Variants in EPHB4 observed in about 807,000 individuals in gnomAD.
EPHB4 encodes ephrin type-B receptor 4.
EPHB4 carries 50 observed loss-of-function variants against 110.6 expected under a neutral mutation model. That is an observed-to-expected ratio of 0.45 (90% CI 0.36 to 0.57). The LOEUF is 0.57. Among genes scored for constraint, EPHB4 ranks in the 20% least tolerant of loss-of-function variants. EPHB4 has a pLI of 0.00. For synonymous variants in EPHB4, 592 were observed against 578.4 expected, an observed-to-expected ratio of 1.02 and a Z score of -0.34; for missense variants, 1,128 against 1,382.1, an observed-to-expected ratio of 0.82 and a Z score of 2.91.
In EPHB4 at chr7:100,826,960, C is replaced by G. The variant is rs747046991; in HGVS notation, c.52+19G>C. The G allele has an allele frequency of 4.6e-6, 7 of 1,533,816 alleles. No homozygotes were observed. In the Admixed American group the frequency reaches 5.8e-5, roughly 13 times the overall value. On this transcript the variant is annotated intron_variant, in intron 1 of 16. Coordinates refer to ENST00000358173, the MANE Select transcript of EPHB4 (RefSeq NM_004444.5). ...TCCCAGGAGTGACGGGGTGCGCCCC[C>G]CCCCGCAAGGAAACTCACCTTCCAA...
At chr7:100,823,057 G>A (rs994223884) in intron 3 of EPHB4, among the ~76,000 whole-genome samples, 31 of 152,140 alleles carry the variant, frequency 2.0e-4, no homozygotes, top group African/African-American at 7.5e-4. Flanking sequence ...AGGCCGAGGT[G>A]GGAGAAATCT....
chr7:100,827,015 G>C lies in EPHB4; in HGVS notation c.16C>G (p.Leu6Val), dbSNP rs747556916. 1.3e-6 allele frequency: 2 copies of C among 1,584,110 alleles called. No homozygotes were observed. The highest frequency in any genetic ancestry group is 1.2e-5 in the South Asian group (1 of 86,686). Residue 6 changes from leucine to valine, a missense_variant, in exon 1 of 17, where the codon CTG becomes GTG. This residue lies in a region of EPHB4 where 728 missense variants were observed against 828.6 expected (regional missense o/e 0.88). Coordinates refer to ENST00000358173, the MANE Select transcript of EPHB4 (RefSeq NM_004444.5). MELRV[L>V]LCWASLAAAL... ...GCGGCCAACGAAGCCCAGCAGAGCA[G>C]CACCCGGAGCTCCATGGCGCCGCCT... is the stretch of plus-strand genomic sequence containing the variant.
chr7:100,817,110 T>C (rs1584661137), intron 8 of EPHB4, 82 bp downstream of exon 8: 3 of 1,197,144 alleles, frequency 2.5e-6, no homozygotes, highest in Admixed American at 7.7e-5. Context: ...AAAAAGATGA[T>C]GGGACTTTGG....
intron 8 of EPHB4, 108 bp downstream of exon 8, chr7:100,817,084 A>T: frequency 3.4e-6 from 1 of 295,040 alleles, no homozygotes; most frequent in Non-Finnish European, 4.4e-6. Flanking sequence ...CTCCATCTCA[A>T]AAAAAAAAAA....
intron 12 of EPHB4, among the ~76,000 whole-genome samples, chr7:100,810,652 AG>A (rs1276895366): frequency 6.6e-6 from 1 of 152,148 alleles, no homozygotes; most frequent in African/African-American, 2.4e-5. Flanking sequence ...CTGAGGCAGG[AG>A]GATCACCTGA....
intron 4 of EPHB4, among the ~76,000 whole-genome samples, chr7:100,821,589 C>G (rs980926668): frequency 6.6e-6 from 1 of 150,490 alleles, no homozygotes; most frequent in Non-Finnish European, 1.5e-5. Flanking sequence ...GATCGCACCA[C>G]TGCACTCCAG....
At chr7:100,825,147 GAACAC>G (rs1813343900) in intron 1 of EPHB4, 2 of 152,152 alleles carry the variant, frequency 1.3e-5, no homozygotes, top group African/African-American at 4.8e-5. Flanking sequence ...AGGGGAGCCA[GAACAC>G]CTGGCTCCCA....
In EPHB4 at chr7:100,813,260, C is replaced by T. The variant is rs759947298; in HGVS notation, c.1757-52G>A. The T allele has an allele frequency of 1.9e-5, 26 of 1,382,656 alleles. No individual in the cohort carries two copies. In the African/African-American group the frequency reaches 2.6e-4, roughly 14 times the overall value. 85.6% of individuals were successfully genotyped at this position (1,382,656 alleles called of 1,614,324 possible). A position where few individuals can be genotyped will look rare whatever the true frequency, so the allele number is the denominator to read the frequency against. ...GCTGGGAATTAACTCCCACTGGACT[C>T]GGAGGCTCGGCTCATAGCTTTTAGC... On this transcript the variant is annotated intron_variant, in intron 10 of 16. Coordinates refer to ENST00000358173, the MANE Select transcript of EPHB4 (RefSeq NM_004444.5).
intron 12 of EPHB4, among the ~76,000 whole-genome samples, chr7:100,809,943 G>C (rs1196552420): frequency 6.6e-6 from 1 of 152,134 alleles, no homozygotes; most frequent in African/African-American, 2.4e-5. Context: ...GCGAAGCCCT[G>C]TCTCTACTAA....
intron 8 of EPHB4, among the ~76,000 whole-genome samples, chr7:100,815,349 C>A (rs990798002): frequency 6.6e-6 from 1 of 151,846 alleles, no homozygotes; most frequent in Admixed American, 6.6e-5. Flanking sequence ...CAAACCACAA[C>A]CAAAAAAACC....
chr7:100,827,089 G>A lies in EPHB4; in HGVS notation c.-59C>T. ...GTTTGGGGGGCCCTCGCCCCCCCAG[G>A]TCTGACTCTCCCTGGGCGGGTGGAC... On this transcript the variant is annotated 5_prime_UTR_variant, in exon 1 of 17. Transcript: ENST00000358173. 1 of 1,530,072 alleles carries A rather than the reference G, an allele frequency of 6.5e-7. No homozygotes were observed. Among genetic ancestry groups the A allele is most frequent in the South Asian group, 1.2e-5 (1 of 83,346 alleles). 94.8% of individuals were successfully genotyped at this position (1,530,072 alleles called of 1,614,324 possible).
At chr7:100,804,920 C>T (rs2553021) in intron 16 of EPHB4, among the ~76,000 whole-genome samples, 21,713 of 152,184 alleles carry the variant, frequency 0.14, 1,996 homozygotes, top group Middle Eastern at 0.26. Context: ...GGCGGAAGCG[C>T]GATGGCCCAG....
intron 3 of EPHB4, among the ~76,000 whole-genome samples, chr7:100,823,256 C>G (rs314308): frequency 0.09 from 13,723 of 152,062 alleles, 686 homozygotes; most frequent in African/African-American, 0.13. Context: ...GCTGGAACTC[C>G]GAAGACAAGT....
chr7:100,817,175 C>G lies in EPHB4; in HGVS notation c.1588+17G>C, dbSNP rs376201778. 2 of 1,513,910 alleles carry G rather than the reference C, an allele frequency of 1.3e-6. No individual in the cohort carries two copies. Among genetic ancestry groups the G allele is most frequent in the African/African-American group, 2.9e-5 (2 of 69,634 alleles). The allele number at this position is 1,513,910 out of a possible 1,614,324, so 93.8% of individuals were successfully genotyped here. The stretch of plus-strand genomic sequence containing the variant: ...GGTCTTTCCAACCCCCACCCTCACC[C>G]CCTTCCCCAGGCTCACCATCCAGTT... On this transcript the variant is annotated intron_variant, in intron 8 of 16. Coordinates refer to ENST00000358173, the MANE Select transcript of EPHB4 (RefSeq NM_004444.5).
At chr7:100,816,406 T>C (rs955608388) in intron 8 of EPHB4, among the ~76,000 whole-genome samples, 1 of 151,184 alleles carries the variant, frequency 6.6e-6, no homozygotes, top group African/African-American at 2.4e-5. Flanking sequence ...CAATCTCAGC[T>C]CACTGCAACC....
At chr7:100,815,855 G>A (rs1370715073) in intron 8 of EPHB4, among the ~76,000 whole-genome samples, 6 of 152,134 alleles carry the variant, frequency 3.9e-5, no homozygotes, top group Admixed American at 1.3e-4. Flanking sequence ...GAGCACGGTA[G>A]CACATGCCTA....
At position 100,803,430 on chromosome 7, in the gene EPHB4, C is replaced by T. The variant is rs199872533; in HGVS notation, c.*31G>A. 234 of 1,504,928 alleles carry T rather than the reference C, an allele frequency of 1.6e-4. 1 individual carries two copies. In the Admixed American group the frequency reaches 1.9e-3, roughly 12 times the overall value. The allele number at this position is 1,504,928 out of a possible 1,614,324, so 93.2% of individuals were successfully genotyped here. A position where few individuals can be genotyped will look rare whatever the true frequency, so the allele number is the denominator to read the frequency against. Reference sequence around the variant, plus strand: ...CACTCTGCCCCGGAAAATGGGGAGGCGGTGTCCCTGGGGTGGGGAGTTCCT... The same window carrying T: ...CACTCTGCCCCGGAAAATGGGGAGGTGGTGTCCCTGGGGTGGGGAGTTCCT... On this transcript the variant is annotated 3_prime_UTR_variant, in exon 17 of 17. Coordinates refer to ENST00000358173, the MANE Select transcript of EPHB4 (RefSeq NM_004444.5).
intron 4 of EPHB4, among the ~76,000 whole-genome samples, chr7:100,820,746 G>T (rs1389011281): frequency 6.6e-6 from 1 of 152,094 alleles, no homozygotes; most frequent in Admixed American, 6.6e-5. Context: ...AAAAAGTTTG[G>T]GCTACAGCAA....
intron 1 of EPHB4, among the ~76,000 whole-genome samples, chr7:100,826,083 CCAGA>C (rs1298615169): frequency 6.6e-6 from 1 of 152,188 alleles, no homozygotes; most frequent in Non-Finnish European, 1.5e-5. Flanking sequence ...CACTTTCATA[CCAGA>C]CAGAGAAAGG....
Sources: gnomAD v4.1 joint callset for allele counts (sites outside exome capture counted in the v4.1 genomes callset) on GRCh38, gnomAD v4.1.1 for gene constraint, gnomAD v4.1.1 regional missense constraint, MANE v1.5 for transcripts, NCBI Gene and HGNC (gene_info 2026-07-23, HGNC 2026-07-21) for gene names.